Variants in PCDHGB7 observed in about 807,000 individuals in gnomAD.
PCDHGB7 encodes protocadherin gamma subfamily B, 7.
In PCDHGB7, 37 loss-of-function variants were observed where a neutral mutation model predicts 61.4. The observed-to-expected ratio is 0.60, with a 90% CI of 0.46 to 0.79. PCDHGB7 has a LOEUF of 0.79. Ranked by LOEUF, PCDHGB7 falls within the 30% of genes least tolerant of loss-of-function variation. PCDHGB7 has a pLI of 0.00. For missense variants in PCDHGB7, 1,166 were observed against 1,202.5 expected, an observed-to-expected ratio of 0.97 and a Z score of 0.45; for synonymous variants, 464 against 503.5, an observed-to-expected ratio of 0.92 and a Z score of 1.05.
chr5:141,426,756 G>A, intron 1 of PCDHGB7: 1 of 456,302 alleles, frequency 2.2e-6, no homozygotes. Context: ...ATCTGCTATA[G>A]ATGCAGATGT....
At chr5:141,509,163 C>T (rs561329093) in intron 3 of PCDHGB7, among the ~76,000 whole-genome samples, 1 of 152,204 alleles carries the variant, frequency 6.6e-6, no homozygotes, top group East Asian at 1.9e-4. Context: ...CTCCCGTGTG[C>T]CCTCCTCCTC....
chr5:141,509,303 G>A (rs911736752), intron 3 of PCDHGB7, among the ~76,000 whole-genome samples: 1 of 152,210 alleles, frequency 6.6e-6, no homozygotes, highest in Admixed American at 6.5e-5. Context: ...GGAGGCAGAG[G>A]GAGGCTGGGA....
rs778246278 is a variant in PCDHGB7 at position 141,491,522 on chromosome 5, A to C, written c.2416-3285A>C. The C allele has an allele frequency of 6.2e-6, 10 of 1,614,024 alleles. No individual in the cohort carries two copies. The highest frequency in any genetic ancestry group is 8.5e-6 in the Non-Finnish European group (10 of 1,180,002). ...TCGGACGGCACGCTCAAGTACATGGAGGTGACGCTGCGGCCCACAGACTCG... is the reference window on the plus strand; with the variant it reads ...TCGGACGGCACGCTCAAGTACATGGCGGTGACGCTGCGGCCCACAGACTCG... On this transcript the variant is annotated intron_variant, in intron 1 of 3. Coordinates refer to ENST00000398594, the MANE Select transcript of PCDHGB7 (RefSeq NM_018927.4). The surrounding 1 kb of genome is among the most constrained non-coding windows in gnomAD (Gnocchi z 6.9).
rs143317584 is a variant in PCDHGB7 at position 141,432,282 on chromosome 5, A to G, written c.2415+12008A>G. 5.0e-5 allele frequency: 81 copies of G among 1,613,850 alleles called. No homozygotes were observed. The African/African-American group carries it at 6.4e-4, about 13-fold the overall frequency. ...AGCCTATCGTCCTACGTGTCCATCAACTCCGACACTGGGGTACTGTATGCG... is the reference window on the plus strand; with the variant it reads ...AGCCTATCGTCCTACGTGTCCATCAGCTCCGACACTGGGGTACTGTATGCG... On this transcript the variant is annotated intron_variant, in intron 1 of 3. Transcript: ENST00000398594. This position sits in a 1 kb window ranked among gnomAD's most constrained non-coding sequence, Gnocchi z 6.0.
Position 141,418,283 on chromosome 5 carries a change from ATCAG to A in PCDHGB7, c.426_429del (p.Ile142MetfsTer22). 1.9e-6 allele frequency: 3 copies of A among 1,613,996 alleles called. No individual in the cohort carries two copies. The highest frequency in any genetic ancestry group is 2.5e-6 in the Non-Finnish European group (3 of 1,179,880). ...CCGGAAAGATGAAATAAACTTAGAA[ATCAG>A]TGAATCCGTCAGCCTGGGGATGGGA... On this transcript the variant is annotated frameshift_variant, in exon 1 of 4. Coordinates refer to ENST00000398594, the MANE Select transcript of PCDHGB7 (RefSeq NM_018927.4). LOFTEE classifies it high-confidence loss of function.
chr5:141,433,313 C>T (rs2097582516), intron 1 of PCDHGB7: 5 of 866,388 alleles, frequency 5.8e-6, no homozygotes, highest in Admixed American at 2.8e-5. Context: ...CCCACCTTTG[C>T]CTCCGGTGTA....
chr5:141,495,644 A>C (rs767670166), intron 2 of PCDHGB7, among the ~76,000 whole-genome samples: 1 of 151,770 alleles, frequency 6.6e-6, no homozygotes, highest in African/African-American at 2.4e-5. Flanking sequence ...TCATTTGTCT[A>C]CTTGCATTGA....
At chr5:141,496,289 G>A (rs1347634489) in intron 2 of PCDHGB7, among the ~76,000 whole-genome samples, 3 of 152,224 alleles carry the variant, frequency 2.0e-5, no homozygotes, top group Non-Finnish European at 4.4e-5. Flanking sequence ...GGTCTGAGCA[G>A]AGTGGGATAG....
Position 141,486,695 on chromosome 5 carries a change from A to T in PCDHGB7, c.2416-8112A>T. On this transcript the variant is annotated intron_variant, in intron 1 of 3. Coordinates refer to ENST00000398594, the MANE Select transcript of PCDHGB7 (RefSeq NM_018927.4). The surrounding 1 kb of genome is among the most constrained non-coding windows in gnomAD (Gnocchi z 5.0). ...TCGAGATGTATCAGCTTCCTCTTTC[A>T]TCTCTCTGAACCCCCAGACAGGAGC... The T allele has an allele frequency of 6.2e-7, 1 of 1,613,912 alleles. No homozygotes were observed. The highest frequency in any genetic ancestry group is 8.5e-7 in the Non-Finnish European group (1 of 1,179,980).
chr5:141,430,383 GAAA>G (rs139772145), intron 1 of PCDHGB7, among the ~76,000 whole-genome samples: 9 of 138,566 alleles, frequency 6.5e-5, no homozygotes, highest in African/African-American at 2.4e-4. Context: ...AGCTCATTGG[GAAA>G]AAAAAAAAAA....
rs1179602962 is a variant in PCDHGB7, at chr5:141,419,759, G to A, written c.1900G>A (p.Asp634Asn). The change falls in exon 1 of 4, where the codon GAC becomes AAC. Residue 634 changes from aspartate to asparagine, a missense_variant. By Grantham distance (23) the Asp-to-Asn change is conservative. Transcript: ENST00000398594. Reference protein sequence around the residue: ...GEVRMVRALGDKDSVRQRLLV... With the variant: ...GEVRMVRALGNKDSVRQRLLV... ...GGTGCGCATGGTGCGTGCTTTGGGT[G>A]ACAAGGACTCGGTCCGCCAGCGCCT... 1.2e-6 allele frequency: 2 copies of A among 1,614,004 alleles called. No individual in the cohort carries two copies. The highest frequency in any genetic ancestry group is 3.3e-5 in the Admixed American group (2 of 60,034).
chr5:141,498,284 G>A (rs1339639509), intron 2 of PCDHGB7, among the ~76,000 whole-genome samples: 1 of 152,004 alleles, frequency 6.6e-6, no homozygotes, highest in Non-Finnish European at 1.5e-5. Flanking sequence ...CTTGGTTCAA[G>A]ATCAAGCCAG....
At position 141,490,597 on chromosome 5, in the gene PCDHGB7, C is replaced by G. The variant is rs781077720; in HGVS notation, c.2416-4210C>G. 1 of 1,614,182 alleles carries G rather than the reference C, an allele frequency of 6.2e-7. No homozygotes were observed. On this transcript the variant is annotated intron_variant, in intron 1 of 3. Transcript: ENST00000398594. This position sits in a 1 kb window ranked among gnomAD's most constrained non-coding sequence, Gnocchi z 5.4. ...TTCAGATGTCAATGACAATGCACCC[C>G]GCTTCAACCAGCAGCTTTACACTGC...
At chr5:141,434,199 T>G (rs1406339464) in intron 1 of PCDHGB7, among the ~76,000 whole-genome samples, 1 of 151,914 alleles carries the variant, frequency 6.6e-6, no homozygotes, top group Non-Finnish European at 1.5e-5. Context: ...CCAATGTACT[T>G]ACTTCTGTCA....
At chr5:141,426,764 T>C (rs1285434687) in intron 1 of PCDHGB7, 5 of 456,638 alleles carry the variant, frequency 1.1e-5, no homozygotes, top group Non-Finnish European at 2.2e-5. Flanking sequence ...TAGATGCAGA[T>C]GTAGGGCCTC....
In PCDHGB7 at chr5:141,490,028, G is replaced by A. The variant is rs752883792; in HGVS notation, c.2416-4779G>A. ...GCACCCATTGGTACTCTGCTGCTCC[G>A]CCTCAATGCCACTGATCCAGACGAG... On this transcript the variant is annotated intron_variant, in intron 1 of 3. Coordinates refer to ENST00000398594, the MANE Select transcript of PCDHGB7 (RefSeq NM_018927.4). The surrounding 1 kb of genome is among the most constrained non-coding windows in gnomAD (Gnocchi z 5.4). 20 of 1,614,070 alleles carry A rather than the reference G, an allele frequency of 1.2e-5. 1 individual carries two copies. Among genetic ancestry groups the A allele is most frequent in the South Asian group, 3.3e-5 (3 of 91,090 alleles).
In PCDHGB7 at chr5:141,510,980, G is replaced by A; in HGVS notation, c.2597G>A (p.Gly866Asp). The change falls in exon 4 of 4, where the codon GGT becomes GAT. Residue 866 changes from glycine (G) to aspartate (D), a missense_variant. Transcript: ENST00000398594. ...AADGSSTLGGGAGTMGLSARY... is the reference protein window; with the variant it reads ...AADGSSTLGGDAGTMGLSARY... ...GATGGGAGCTCCACCCTGGGAGGGG[G>A]TGCCGGCACCATGGGATTGAGCGCC... 1 of 1,614,170 alleles carries A rather than the reference G, an allele frequency of 6.2e-7. No homozygotes were observed.
intron 2 of PCDHGB7, among the ~76,000 whole-genome samples, chr5:141,497,865 A>G (rs1248242691): frequency 2.0e-5 from 3 of 152,168 alleles, no homozygotes; most frequent in Admixed American, 2.0e-4. Flanking sequence ...CAGCGGCTCC[A>G]AAGTGAAATA....
chr5:141,472,751 G>A (rs1000022316), intron 1 of PCDHGB7, among the ~76,000 whole-genome samples: 5 of 151,850 alleles, frequency 3.3e-5, no homozygotes, highest in East Asian at 3.9e-4. Flanking sequence ...TTTGGGAGGC[G>A]GAGGCTGGCA....
Sources: gnomAD v4.1 joint callset for allele counts (sites outside exome capture counted in the v4.1 genomes callset) on GRCh38, gnomAD v4.1.1 for gene constraint, Gnocchi (gnomAD v3.1) non-coding constraint, MANE v1.5 for transcripts, NCBI Gene and HGNC (gene_info 2026-07-23, HGNC 2026-07-21) for gene names.